Variants in HEPH observed in about 807,000 individuals in gnomAD.
The protein encoded by HEPH is hephaestin.
Under a neutral mutation model 80.8 loss-of-function variants are expected in HEPH, and 69 were observed. That is an observed-to-expected ratio of 0.85 (90% CI 0.70 to 1.04). The LOEUF (loss-of-function observed/expected upper bound fraction) is 1.04. Among genes scored for constraint, HEPH ranks in the 50% least tolerant of loss-of-function variants. The probability of loss-of-function intolerance (pLI) is 0.00; values close to 1 mark genes in which losing one functional copy is unlikely to be tolerated. For missense variants in HEPH, 1,115 were observed against 891.3 expected (o/e 1.25, Z -3.20); for synonymous variants, 431 against 322.8 (o/e 1.34, Z -3.60).
intron 15 of HEPH, among the ~76,000 whole-genome samples, chrX:66,215,423 G>A (rs1297979666): frequency 9.0e-6 from 1 of 111,094 alleles, no homozygotes; most frequent in African/African-American, 3.3e-5. Context: ...AGTGATGGTA[G>A]TGGTCATCTT....
At chrX:66,223,490 A>G (rs1462289975) in intron 15 of HEPH, among the ~76,000 whole-genome samples, 1 of 111,685 alleles carries the variant, frequency 9.0e-6, no homozygotes, top group Non-Finnish European at 1.9e-5. Context: ...AAAACTTTGT[A>G]TACGTATTTA....
chrX:66,194,073 G>C (rs1252398935), intron 8 of HEPH, among the ~76,000 whole-genome samples: 1 of 111,776 alleles, frequency 8.9e-6, no homozygotes, highest in Non-Finnish European at 1.9e-5. Context: ...GAAATAGGAG[G>C]AATGCAGAAT....
Position 66,260,914 on chromosome X carries a change from G to A in HEPH, c.3199+652G>A, listed in dbSNP as rs7053804. Among the ~76,000 whole-genome samples, 87 of 111,181 alleles carry A rather than the reference G, an allele frequency of 7.8e-4. 2 individuals carry two copies. The highest frequency in any genetic ancestry group is 2.8e-3 in the African/African-American group (87 of 30,634). ...CCCAAGTAGCTGGGACTGCAGGAAT[G>A]TGCCACCACATAAGGCTAATTTTTA... is the stretch of plus-strand genomic sequence containing the variant. On this transcript the variant is annotated intron_variant, in intron 19 of 20. Coordinates refer to ENST00000343002, the MANE Select transcript of HEPH (RefSeq NM_001367233.3).
intron 4 of HEPH, among the ~76,000 whole-genome samples, chrX:66,177,857 G>A (rs1291116477): frequency 1.8e-5 from 2 of 111,219 alleles, no homozygotes; most frequent in East Asian, 2.8e-4. Context: ...GGCGTTTAGA[G>A]CTATGAACTT....
chrX:66,234,261 G>A lies in HEPH; in HGVS notation c.2564-20774G>A, dbSNP rs748909917. On this transcript the variant is annotated intron_variant, in intron 15 of 20. Coordinates refer to ENST00000343002, the MANE Select transcript of HEPH (RefSeq NM_001367233.3). ...TGATCTCATTCTTTTTTATGGCTGC[G>A]TAATCTACAGTGTACTTATAATGCT... Among the ~76,000 whole-genome samples, 9 of 110,521 alleles carry A rather than the reference G, an allele frequency of 8.1e-5. 1 individual carries two copies. Among genetic ancestry groups the A allele is most frequent in the Admixed American group, 1.9e-4 (2 of 10,359 alleles).
At chrX:66,265,668 T>C (rs1323633402) in intron 20 of HEPH, among the ~76,000 whole-genome samples, 1 of 111,480 alleles carries the variant, frequency 9.0e-6, no homozygotes, top group Admixed American at 9.5e-5. Flanking sequence ...AAGGTAGGGC[T>C]AGAAAGATAA....
At chrX:66,213,743 T>C (rs2089263344) in intron 15 of HEPH, among the ~76,000 whole-genome samples, 1 of 110,928 alleles carries the variant, frequency 9.0e-6, no homozygotes, top group African/African-American at 3.3e-5. Flanking sequence ...ATTATAAAGA[T>C]GAAGTTACAA....
chrX:66,178,168 C>T (rs926599937), intron 4 of HEPH, among the ~76,000 whole-genome samples: 2 of 111,143 alleles, frequency 1.8e-5, no homozygotes, highest in African/African-American at 6.6e-5. Flanking sequence ...TTGTTCAATT[C>T]CCACCTATGA....
rs747584212 is a variant in HEPH, at chrX:66,192,800, C to T, written c.1232+502C>T. On this transcript the variant is annotated intron_variant, in intron 7 of 20. Coordinates refer to ENST00000343002, the MANE Select transcript of HEPH (RefSeq NM_001367233.3). ...TGCCCATTCTTTTGAAGGAATTTCT[C>T]CAAGTTCTCCTGCCTCATCCATGAC... Among the ~76,000 whole-genome samples the T allele has an allele frequency of 1.1e-3, 124 of 111,297 alleles. 2 individuals are homozygous for T. The highest frequency in any genetic ancestry group is 7.2e-4 in the Non-Finnish European group (38 of 53,050).
At chrX:66,263,930 C>G (rs1183179441) in intron 20 of HEPH, among the ~76,000 whole-genome samples, 1 of 110,876 alleles carries the variant, frequency 9.0e-6, no homozygotes, top group East Asian at 2.8e-4. Context: ...AGCCTCCTCC[C>G]CATTTAAAGG....
At chrX:66,201,245 TTG>T (rs1212679649) in intron 12 of HEPH, among the ~76,000 whole-genome samples, 2 of 109,144 alleles carry the variant, frequency 1.8e-5, no homozygotes, top group Non-Finnish European at 3.8e-5. Flanking sequence ...GTGTGTGTGT[TTG>T]TGTGTGTGTG....
At chrX:66,167,684 T>C (rs142528242) in intron 1 of HEPH, among the ~76,000 whole-genome samples, 1 of 112,340 alleles carries the variant, frequency 8.9e-6, no homozygotes, top group East Asian at 2.8e-4. Flanking sequence ...TCAGTGAATG[T>C]AAGTATTGGC....
intron 1 of HEPH, among the ~76,000 whole-genome samples, chrX:66,168,427 T>C (rs2086461932): frequency 9.0e-6 from 1 of 111,689 alleles, no homozygotes; most frequent in South Asian, 3.8e-4. Flanking sequence ...TTATACCCAT[T>C]TTACAGATGA....
chrX:66,170,849 T>C, intron 2 of HEPH, 112 bp downstream of exon 2: 1 of 634,923 alleles, frequency 1.6e-6, no homozygotes, highest in Non-Finnish European at 2.5e-6. Context: ...CAGCTCCTGA[T>C]TGCTCCGAGC....
intron 4 of HEPH, among the ~76,000 whole-genome samples, chrX:66,179,365 G>C (rs962602495): frequency 2.7e-5 from 3 of 111,672 alleles, no homozygotes; most frequent in Non-Finnish European, 5.6e-5. Flanking sequence ...AGTGTAGTTT[G>C]AAGTCAGGTA....
chrX:66,176,791 G>T (rs1330106244), intron 4 of HEPH, among the ~76,000 whole-genome samples: 1 of 110,957 alleles, frequency 9.0e-6, no homozygotes, highest in East Asian at 2.8e-4. Flanking sequence ...GAGAATGATG[G>T]TTTCCAGCTT....
chrX:66,168,595 A>C (rs2147483313), intron 1 of HEPH, among the ~76,000 whole-genome samples: 1 of 112,067 alleles, frequency 8.9e-6, no homozygotes, highest in Non-Finnish European at 1.9e-5. Context: ...CACTTGGGTC[A>C]CTGCTGCGTA....
chrX:66,216,257 C>A (rs1396721928), intron 15 of HEPH, among the ~76,000 whole-genome samples: 1 of 111,873 alleles, frequency 8.9e-6, no homozygotes, highest in Non-Finnish European at 1.9e-5. Context: ...GAAAGCACCA[C>A]CTCCTGATTG....
intron 2 of HEPH, chrX:66,171,245 C>A: frequency 4.6e-6 from 1 of 217,596 alleles, no homozygotes. Flanking sequence ...TACTTTGTCT[C>A]AACTCTCACA....
Sources: gnomAD v4.1 joint callset for allele counts (sites outside exome capture counted in the v4.1 genomes callset) on GRCh38, gnomAD v4.1.1 for gene constraint, MANE v1.5 for transcripts, NCBI Gene and HGNC (gene_info 2026-07-23, HGNC 2026-07-21) for gene names.